The following FAM162A variants were observed in gnomAD, a reference collection of about 807,000 sequenced individuals.
The protein encoded by FAM162A is family with sequence similarity 162 member A.
In FAM162A, 23 loss-of-function variants were observed where a neutral mutation model predicts 21.8. The ratio of observed to expected loss-of-function variants is 1.05; its 90% CI spans 0.76 to 1.49. The LOEUF (loss-of-function observed/expected upper bound fraction) is 1.49, where lower values mean the gene tolerates loss of function less well. Among genes scored for constraint, FAM162A ranks in the 40% most tolerant of loss-of-function variants. The pLI, the probability that FAM162A is intolerant of heterozygous loss-of-function variation, is 0.00. For missense variants in FAM162A, 165 were observed against 186.4 expected (o/e 0.89, Z 0.67); for synonymous variants, 53 against 61.3 (o/e 0.86, Z 0.64).
chr3:122,400,600 G>A (rs576483979), intron 1 of FAM162A, among the ~76,000 whole-genome samples: 2 of 152,200 alleles, frequency 1.3e-5, no homozygotes, highest in East Asian at 1.9e-4. Context: ...CGAGGCAGGC[G>A]GATCACCTAA....
chr3:122,389,416 T>C (rs1026906349), intron 1 of FAM162A, among the ~76,000 whole-genome samples: 16 of 151,686 alleles, frequency 1.1e-4, no homozygotes, highest in African/African-American at 3.9e-4. Context: ...GATAGATAGA[T>C]AGATAGATAG....
intron 1 of FAM162A, among the ~76,000 whole-genome samples, chr3:122,390,692 C>CA (rs1422957012): frequency 6.6e-6 from 1 of 152,194 alleles, no homozygotes; most frequent in Non-Finnish European, 1.5e-5. Context: ...GAAGTTTCAC[C>CA]ATTACCTGGG....
chr3:122,396,458 C>T (rs2075628000), intron 1 of FAM162A, among the ~76,000 whole-genome samples: 2 of 152,250 alleles, frequency 1.3e-5, no homozygotes, highest in Admixed American at 1.3e-4. Context: ...ATACCACTTC[C>T]TACCTACTGG....
chr3:122,405,288 C>T (rs1207165727), intron 3 of FAM162A, among the ~76,000 whole-genome samples: 1 of 152,172 alleles, frequency 6.6e-6, no homozygotes, highest in Non-Finnish European at 1.5e-5. Context: ...GGTTTCAAGT[C>T]ATGATTGAAA....
intron 1 of FAM162A, among the ~76,000 whole-genome samples, chr3:122,389,652 T>C (rs1218712252): frequency 4.6e-5 from 7 of 152,190 alleles, no homozygotes; most frequent in Non-Finnish European, 5.9e-5. Flanking sequence ...TATACAGCTA[T>C]TAAAAGTATT....
At chr3:122,405,254 C>G (rs573381053) in intron 3 of FAM162A, among the ~76,000 whole-genome samples, 1 of 152,346 alleles carries the variant, frequency 6.6e-6, no homozygotes, top group East Asian at 1.9e-4. Flanking sequence ...CAGCAAGAAA[C>G]TATTCCTGGA....
At chr3:122,384,381 C>T in intron 1 of FAM162A, 82 bp downstream of exon 1, 1 of 1,473,860 alleles carries the variant, frequency 6.8e-7, no homozygotes, top group South Asian at 1.2e-5. Context: ...CTTCCTGGGC[C>T]CCGGAGTGGC....
chr3:122,407,669 G>A (rs1330136777), intron 4 of FAM162A: 7 of 464,050 alleles, frequency 1.5e-5, no homozygotes, highest in Middle Eastern at 5.6e-4. Flanking sequence ...GTGTCATAAT[G>A]TAAATTAAGA....
chr3:122,399,105 C>A (rs538382414), intron 1 of FAM162A, among the ~76,000 whole-genome samples: 1 of 152,136 alleles, frequency 6.6e-6, no homozygotes, highest in South Asian at 2.1e-4. Context: ...TCAGGTAGGC[C>A]CCAATGTTTG....
intron 1 of FAM162A, among the ~76,000 whole-genome samples, chr3:122,393,864 A>G (rs1407220135): frequency 6.6e-6 from 1 of 152,158 alleles, no homozygotes; most frequent in Non-Finnish European, 1.5e-5. Context: ...CTCACCTCAC[A>G]TTTAGTCTCT....
intron 1 of FAM162A, 120 bp downstream of exon 1, chr3:122,384,419 C>G (rs939123518): frequency 8.2e-7 from 1 of 1,212,126 alleles, no homozygotes; most frequent in Admixed American, 2.0e-5. Flanking sequence ...TTTCTCGGTT[C>G]CTCAGAATCC....
intron 1 of FAM162A, chr3:122,401,465 GA>G: frequency 8.3e-7 from 1 of 1,206,244 alleles, no homozygotes. Context: ...GAGCACGTGG[GA>G]AAAGAAGGGG....
chr3:122,391,484 AATAAG>A (rs1249864039), intron 1 of FAM162A, among the ~76,000 whole-genome samples: 1 of 152,258 alleles, frequency 6.6e-6, no homozygotes, highest in Non-Finnish European at 1.5e-5. Context: ...TAATATCTAT[AATAAG>A]ATAATATGTG....
rs1469226938 is a variant in FAM162A, at chr3:122,384,287, C to T, written c.22C>T (p.Arg8Cys). The change falls in exon 1 of 5, where the codon CGC (arginine) becomes TGC (cysteine). Residue 8 changes from arginine (R) to cysteine (C), a missense_variant. Physicochemically the swap from Arg to Cys is radical, Grantham distance 180 (BLOSUM62 -3). Coordinates refer to ENST00000477892, the MANE Select transcript of FAM162A (RefSeq NM_014367.4). MGSLSGL[R>C]LAAGSCFRLC... ...GGCCATGGGGAGCCTCAGCGGTCTGCGCCTGGCAGCAGGTGAGACGCCGGT... is the reference window on the plus strand; with the variant it reads ...GGCCATGGGGAGCCTCAGCGGTCTGTGCCTGGCAGCAGGTGAGACGCCGGT... 2 of 1,578,554 alleles carry T rather than the reference C, an allele frequency of 1.3e-6. No homozygotes were observed. The highest frequency in any genetic ancestry group is 1.7e-6 in the Non-Finnish European group (2 of 1,162,620).
At chr3:122,387,343 G>A (rs186988076) in intron 1 of FAM162A, among the ~76,000 whole-genome samples, 2 of 152,304 alleles carry the variant, frequency 1.3e-5, no homozygotes, top group Admixed American at 6.5e-5. Context: ...ATTTGTTACC[G>A]TCATTGTTAC....
intron 1 of FAM162A, among the ~76,000 whole-genome samples, chr3:122,398,404 C>T (rs2107698508): frequency 6.6e-6 from 1 of 152,276 alleles, no homozygotes; most frequent in Middle Eastern, 3.4e-3. Context: ...ACAAAATTGG[C>T]ATATGCCTAT....
chr3:122,402,332 C>T (rs994654774), intron 1 of FAM162A, among the ~76,000 whole-genome samples: 5 of 151,946 alleles, frequency 3.3e-5, no homozygotes, highest in Non-Finnish European at 7.4e-5. Flanking sequence ...TTTCTAGAGT[C>T]ACTTGCTGAC....
At chr3:122,405,423 A>G (rs909295955) in intron 3 of FAM162A, among the ~76,000 whole-genome samples, 2 of 152,250 alleles carry the variant, frequency 1.3e-5, no homozygotes, top group African/African-American at 2.4e-5. Flanking sequence ...TACTTTAACT[A>G]GAATTATTTC....
At chr3:122,401,864 A>C (rs1202737889) in intron 1 of FAM162A, among the ~76,000 whole-genome samples, 2 of 152,182 alleles carry the variant, frequency 1.3e-5, no homozygotes, top group Non-Finnish European at 2.9e-5. Context: ...AGCTGGATAT[A>C]GACCTTTGTC....
Sources: allele counts gnomAD v4.1 joint callset (sites outside exome capture counted in the v4.1 genomes callset), GRCh38; gene constraint gnomAD v4.1.1; transcripts MANE v1.5; gene names NCBI Gene and HGNC (gene_info 2026-07-23, HGNC 2026-07-21).